The following BTN3A3 variants were observed in gnomAD, a reference collection of about 807,000 sequenced individuals.
The protein encoded by BTN3A3 is butyrophilin subfamily 3 member A3, also known as butyrophilin 3.
Under a neutral mutation model 43.2 loss-of-function variants are expected in BTN3A3, and 39 were observed. The observed-to-expected ratio is 0.90, with a 90% CI of 0.70 to 1.18. The LOEUF (loss-of-function observed/expected upper bound fraction) is 1.18. Among genes scored for constraint, BTN3A3 ranks in the 50% most tolerant of loss-of-function variants. The pLI is 0.00. For missense variants in BTN3A3, 631 were observed against 722.8 expected (o/e 0.87, Z 1.46); for synonymous variants, 255 against 272.7 (o/e 0.93, Z 0.64).
chr6:26,449,714 T>C (rs566816309), intron 9 of BTN3A3, 26 bp downstream of exon 9: 12 of 1,613,786 alleles, frequency 7.4e-6, no homozygotes, highest in Admixed American at 6.7e-5. Flanking sequence ...GCTCTCTGGG[T>C]TTGCTGGGTC....
Position 26,452,541 on chromosome 6 carries a change from A to G in BTN3A3, c.*130A>G. On this transcript the variant is annotated 3_prime_UTR_variant, in exon 11 of 11. Transcript: ENST00000244519. Reference sequence around the variant, plus strand: ...TACAAAGTAGACATGACAAGTGAACAGCAGAGCTGGGATCTAAACAGCAAT... The same window carrying G: ...TACAAAGTAGACATGACAAGTGAACGGCAGAGCTGGGATCTAAACAGCAAT... The G allele has an allele frequency of 1.3e-6, 1 of 779,812 alleles. No homozygotes were observed. The highest frequency in any genetic ancestry group is 1.9e-5 in the South Asian group (1 of 52,938). 48.3% of individuals were successfully genotyped at this position (779,812 alleles called of 1,614,324 possible).
rs1025321720 is a variant in BTN3A3 at position 26,443,984 on chromosome 6, G to C, written c.113G>C (p.Gly38Ala). 17 of 1,613,654 alleles carry C rather than the reference G, an allele frequency of 1.1e-5. No individual in the cohort carries two copies. In the African/African-American group the frequency reaches 1.9e-4, roughly 18 times the overall value. ...CAGTTTTCTGTGCTTGGACCCTCTG[G>C]GCCCATCCTGGCCATGGTGGGTGAA... ...SAQFSVLGPS[G>A]PILAMVGEDA... Residue 38 changes from glycine to alanine, a missense_variant, in exon 4 of 11, where the codon GGG (glycine) becomes GCG (alanine). Physicochemically the swap from Gly to Ala is moderately conservative, Grantham distance 60. Transcript: ENST00000244519.
rs2113845940 is a variant in BTN3A3 at position 26,451,887 on chromosome 6, G to A, written c.1231G>A (p.Val411Ile). Residue 411 changes from valine to isoleucine, a missense_variant, in exon 11 of 11, where the codon GTA (valine) becomes ATA (isoleucine). Val to Ile is a conservative substitution (Grantham distance 29). Coordinates refer to ENST00000244519, the MANE Select transcript of BTN3A3 (RefSeq NM_006994.5). ...GGACAGAAAAGAGTGGCATATTGGG[G>A]TATGTAGTAAGAACGTGGAGAGGAA... The part of the protein sequence containing the change: ...VGDRKEWHIG[V>I]CSKNVERKKG... 1.2e-6 allele frequency: 2 copies of A among 1,614,148 alleles called. No individual in the cohort carries two copies. Among genetic ancestry groups the A allele is most frequent in the Non-Finnish European group, 1.7e-6 (2 of 1,180,026 alleles).
At chr6:26,449,551 G>A (rs1762871874) in intron 8 of BTN3A3, 111 bp from the exon 9 acceptor site, 1 of 1,137,088 alleles carries the variant, frequency 8.8e-7, no homozygotes, top group Admixed American at 1.9e-5. Context: ...AGACCACAGG[G>A]AAGAGTGGAA....
intron 4 of BTN3A3, chr6:26,444,539 A>C: frequency 1.5e-6 from 1 of 666,238 alleles, no homozygotes; most frequent in Non-Finnish European, 2.5e-6. Flanking sequence ...ACAACCAGAG[A>C]TATAAGGGAA....
At chr6:26,445,113 G>A (rs1044080304) in intron 4 of BTN3A3, 1 of 159,292 alleles carries the variant, frequency 6.3e-6, no homozygotes, top group African/African-American at 2.4e-5. Flanking sequence ...AAAGATTGGG[G>A]TGGTCTTGTA....
chr6:26,451,342 T>C (rs1290438389), intron 10 of BTN3A3, among the ~76,000 whole-genome samples: 1 of 152,110 alleles, frequency 6.6e-6, no homozygotes, highest in East Asian at 1.9e-4. Flanking sequence ...CGAGTGAAGA[T>C]TGAAAATTAA....
rs891754337 is a variant in BTN3A3, at chr6:26,451,727, G to C, written c.1071G>C (p.Glu357Asp). The stretch of plus-strand genomic sequence containing the variant: ...CAAACGCCATCCTCCTTGTTTCTGA[G>C]GACCAGAGGAGTGTGCAGCGTGCTG... ...DTANAILLVS[E>D]DQRSVQRAEE... Residue 357 changes from glutamate (E) to aspartate (D), a missense_variant, in exon 11 of 11, where the codon GAG (glutamate) becomes GAC (aspartate). By Grantham distance (45) the Glu-to-Asp change is conservative. Around this residue, in one of 2 missense-constraint regions of BTN3A3, gnomAD observed 551 missense variants for 584.0 expected, o/e 0.94. Transcript: ENST00000244519. 3.1e-6 allele frequency: 5 copies of C among 1,613,992 alleles called. No individual in the cohort carries two copies. The African/African-American group carries it at 6.7e-5, about 22-fold the overall frequency.
At chr6:26,449,540 G>A (rs1762871565) in intron 8 of BTN3A3, 122 bp from the exon 9 acceptor site, 7 of 1,020,816 alleles carry the variant, frequency 6.9e-6, no homozygotes, top group Non-Finnish European at 1.0e-5. Context: ...CTTGCAGAGT[G>A]AGACCACAGG....
intron 10 of BTN3A3, among the ~76,000 whole-genome samples, chr6:26,451,075 A>T (rs1249180066): frequency 6.6e-6 from 1 of 152,142 alleles, no homozygotes; most frequent in Non-Finnish European, 1.5e-5. Flanking sequence ...TGAAGGCTGG[A>T]GAGTGAATCT....
intron 8 of BTN3A3, 84 bp from the exon 9 acceptor site, chr6:26,449,578 C>G: frequency 1.4e-6 from 2 of 1,472,912 alleles, no homozygotes; most frequent in African/African-American, 1.4e-5. Flanking sequence ...AAAAGAAAGT[C>G]TAGATGGATG....
chr6:26,448,187 T>C (rs1258686479), intron 5 of BTN3A3, 61 bp from the exon 6 acceptor site: 3 of 1,574,514 alleles, frequency 1.9e-6, no homozygotes, highest in Non-Finnish European at 2.6e-6. Flanking sequence ...AAGCTTGGGG[T>C]GCTGAGGCTG....
intron 4 of BTN3A3, 149 bp from the exon 5 acceptor site, chr6:26,445,555 T>A: frequency 9.7e-7 from 1 of 1,030,374 alleles, no homozygotes; most frequent in Non-Finnish European, 1.4e-6. Context: ...GCCCATTTAG[T>A]TTTCTTTTCA....
At chr6:26,448,816 G>T in intron 8 of BTN3A3, 62 bp downstream of exon 8, 1 of 1,599,790 alleles carries the variant, frequency 6.3e-7, no homozygotes, top group African/African-American at 1.3e-5. Context: ...CTTCTGCTTG[G>T]AAATTTTCCA....
chr6:26,446,116 C>G, intron 5 of BTN3A3, 131 bp downstream of exon 5: 1 of 1,441,876 alleles, frequency 6.9e-7, no homozygotes, highest in South Asian at 1.3e-5. Context: ...AGGCTCAAAG[C>G]AGGGACCTGA....
chr6:26,444,622 C>A lies in BTN3A3; in HGVS notation c.433+318C>A, dbSNP rs1254920322. 6 of 503,074 alleles carry A rather than the reference C, an allele frequency of 1.2e-5. No individual in the cohort carries two copies. In the East Asian group the frequency reaches 1.9e-4, roughly 16 times the overall value. 31.2% of individuals were successfully genotyped at this position (503,074 alleles called of 1,614,324 possible). ...TGGTACACAGTCATTTTGGTTTAGT[C>A]ATGTAACAGACGGCTTCTGTTGTGT... is the stretch of plus-strand genomic sequence containing the variant. On this transcript the variant is annotated intron_variant, in intron 4 of 10. Coordinates refer to ENST00000244519, the MANE Select transcript of BTN3A3 (RefSeq NM_006994.5).
At position 26,451,978 on chromosome 6, in the gene BTN3A3, A is replaced by T; in HGVS notation, c.1322A>T (p.Lys441Met). The T allele has an allele frequency of 6.2e-7, 1 of 1,614,148 alleles. No homozygotes were observed. Among genetic ancestry groups the T allele is most frequent in the Non-Finnish European group, 8.5e-7 (1 of 1,180,004 alleles). ...ACTATGGGCCTGACTGATGGGAATA[A>T]GTATCGGGCTCTCACTGAGCCCAGA... ...YWTMGLTDGN[K>M]YRALTEPRTN... Residue 441 changes from lysine (K) to methionine (M), a missense_variant, in exon 11 of 11, where the codon AAG (lysine) becomes ATG (methionine). Lys to Met is a moderately conservative substitution (Grantham distance 95). This residue lies in a region of BTN3A3 where 551 missense variants were observed against 584.0 expected (regional missense o/e 0.94). Transcript: ENST00000244519.
chr6:26,442,113 T>G (rs1762652868), intron 1 of BTN3A3, among the ~76,000 whole-genome samples: 1 of 152,162 alleles, frequency 6.6e-6, no homozygotes. Context: ...TGCTTTCTCT[T>G]CATCCCTCCC....
At chr6:26,442,771 G>A (rs1220869071) in intron 1 of BTN3A3, among the ~76,000 whole-genome samples, 2 of 152,148 alleles carry the variant, frequency 1.3e-5, no homozygotes, top group Admixed American at 6.5e-5. Context: ...TGGAATTGCT[G>A]GACCCAATTG....
Sources: gnomAD v4.1 joint callset for allele counts (sites outside exome capture counted in the v4.1 genomes callset) on GRCh38, gnomAD v4.1.1 for gene constraint, gnomAD v4.1.1 regional missense constraint, MANE v1.5 for transcripts, NCBI Gene and HGNC (gene_info 2026-07-23, HGNC 2026-07-21) for gene names.